Variants in PLCD4 observed in about 807,000 individuals in gnomAD.
PLCD4 encodes phospholipase C delta 4, also known as 1-phosphatidylinositol 4,5-bisphosphate phosphodiesterase delta-4.
Under a neutral mutation model 90.2 loss-of-function variants are expected in PLCD4, and 63 were observed. The ratio of observed to expected loss-of-function variants is 0.70; its 90% CI spans 0.57 to 0.86. PLCD4 has a LOEUF of 0.86. PLCD4 is among the 40% of genes least tolerant of loss of function. The pLI, the probability that PLCD4 is intolerant of heterozygous loss-of-function variation, is 0.00. For synonymous variants in PLCD4, 294 were observed against 356.5 expected (o/e 0.82, Z 1.97); for missense variants, 830 against 956.3 (o/e 0.87, Z 1.74).
At chr2:218,622,116 T>C (rs1695913703) in intron 5 of PLCD4, 1 of 149,942 alleles carries the variant, frequency 6.7e-6, no homozygotes, top group Non-Finnish European at 1.5e-5. Context: ...AGAAAAGTCA[T>C]GATTCTATGA....
At position 218,636,621 on chromosome 2, in the gene PLCD4, G is replaced by A. The variant is rs771643166; in HGVS notation, c.*44G>A. 8 of 1,568,574 alleles carry A rather than the reference G, an allele frequency of 5.1e-6. No homozygotes were observed. The South Asian group carries it at 6.7e-5, about 13-fold the overall frequency. On this transcript the variant is annotated 3_prime_UTR_variant, in exon 16 of 16. Coordinates refer to ENST00000450993, the MANE Select transcript of PLCD4 (RefSeq NM_032726.4). ...AGGGTTGGTGTGCTGGCTTTAGACG[G>A]GGAGAAACATCTGGAAGGATGCTCG...
chr2:218,617,126 G>A (rs1444260386), intron 3 of PLCD4, among the ~76,000 whole-genome samples: 41 of 143,722 alleles, frequency 2.9e-4, no homozygotes, highest in African/African-American at 9.7e-4. Context: ...CACCACGCCC[G>A]GCTAATTTTT....
intron 6 of PLCD4, 27 bp from the exon 7 acceptor site, chr2:218,628,002 C>T (rs1696189372): frequency 1.3e-6 from 2 of 1,589,428 alleles, no homozygotes; most frequent in Non-Finnish European, 1.7e-6. Flanking sequence ...GAGCTTCTCA[C>T]CTAGTGTTCC....
chr2:218,619,632 T>A lies in PLCD4; in HGVS notation c.410+825T>A, dbSNP rs552045282. Among the ~76,000 whole-genome samples the A allele has an allele frequency of 9.8e-4, 148 of 151,754 alleles. 1 individual carries two copies. Among genetic ancestry groups the A allele is most frequent in the African/African-American group, 3.2e-3 (133 of 41,402 alleles). ...TAATGAGACTCACATATTGCTTCAG[T>A]TAGTGAAGAGGATGGAACTGTGTAA... On this transcript the variant is annotated intron_variant, in intron 4 of 15. Transcript: ENST00000450993.
intron 4 of PLCD4, among the ~76,000 whole-genome samples, chr2:218,619,556 G>A (rs1378425821): frequency 6.6e-6 from 1 of 152,076 alleles, no homozygotes; most frequent in African/African-American, 2.4e-5. Context: ...GCCTCCCAAA[G>A]TGCTGGGATT....
In PLCD4 at chr2:218,632,269, C is replaced by T. The variant is rs1335259382; in HGVS notation, c.1406C>T (p.Pro469Leu). ...CTGGAGTCCCAGTTTGAGACTGAGC[C>T]TGAGCCCCAGGAGCAGAACCTTCAG... ...LALESQFETE[P>L]EPQEQNLQNK... Residue 469 changes from proline to leucine, a missense_variant, in exon 10 of 16, where the codon CCT (proline) becomes CTT (leucine). Transcript: ENST00000450993. 1.2e-6 allele frequency: 2 copies of T among 1,611,496 alleles called. No individual in the cohort carries two copies. The highest frequency in any genetic ancestry group is 4.5e-5 in the East Asian group (2 of 44,828).
At chr2:218,620,509 T>C (rs528340637) in intron 4 of PLCD4, among the ~76,000 whole-genome samples, 2 of 150,550 alleles carry the variant, frequency 1.3e-5, no homozygotes, top group Non-Finnish European at 3.0e-5. Flanking sequence ...TCCAAAAAAA[T>C]TTTTTTTCTT....
At chr2:218,613,509 T>C (rs1198155085) in intron 1 of PLCD4, among the ~76,000 whole-genome samples, 1 of 151,838 alleles carries the variant, frequency 6.6e-6, no homozygotes, top group Admixed American at 6.6e-5. Flanking sequence ...CACAAAAGCA[T>C]AGAGCTTTAT....
Position 218,618,563 on chromosome 2 carries a change from G to GT in PLCD4, c.182-13dup. ...AATCCCTTCCTTAATGCCTCCACCT[G>GT]TTTCTTCTCTGGCAGTCTCAATCTC... On this transcript the variant is annotated splice_polypyrimidine_tract_variant and intron_variant, in intron 3 of 15. Transcript: ENST00000450993. The GT allele has an allele frequency of 6.2e-7, 1 of 1,610,984 alleles. No homozygotes were observed. The highest frequency in any genetic ancestry group is 2.2e-5 in the East Asian group (1 of 44,874).
chr2:218,618,145 G>A (rs1049185451), intron 3 of PLCD4, among the ~76,000 whole-genome samples: 8 of 152,070 alleles, frequency 5.3e-5, no homozygotes, highest in African/African-American at 1.9e-4. Context: ...ACTGGACTTG[G>A]GCATATAATG....
At chr2:218,612,615 T>C (rs1695391781) in intron 1 of PLCD4, among the ~76,000 whole-genome samples, 1 of 151,994 alleles carries the variant, frequency 6.6e-6, no homozygotes, top group African/African-American at 2.4e-5. Context: ...CTACTCAAAA[T>C]ACAAAAATTA....
At chr2:218,631,207 C>A (rs2106155469) in intron 9 of PLCD4, among the ~76,000 whole-genome samples, 1 of 152,186 alleles carries the variant, frequency 6.6e-6, no homozygotes, top group South Asian at 2.1e-4. Context: ...TCTTGTCGCC[C>A]AGGCTGGAGT....
intron 5 of PLCD4, 70 bp from the exon 6 acceptor site, chr2:218,622,576 AT>A (rs1399878345): frequency 2.6e-6 from 3 of 1,142,232 alleles, no homozygotes; most frequent in Non-Finnish European, 2.4e-6. Context: ...TTAAAAAAAA[AT>A]TTTTTTAATT....
At chr2:218,610,986 C>A (rs183826244) in intron 1 of PLCD4, among the ~76,000 whole-genome samples, 3 of 152,146 alleles carry the variant, frequency 2.0e-5, no homozygotes, top group East Asian at 1.9e-4. Context: ...TCTCAGCCCC[C>A]CAAAGTGCTG....
intron 3 of PLCD4, among the ~76,000 whole-genome samples, 176 bp from the exon 4 acceptor site, chr2:218,618,403 C>T (rs984833218): frequency 6.6e-6 from 1 of 152,224 alleles, no homozygotes; most frequent in Non-Finnish European, 1.5e-5. Context: ...CATGTGGACT[C>T]CTGAATCCCT....
At chr2:218,623,490 A>C (rs376368096) in intron 6 of PLCD4, among the ~76,000 whole-genome samples, 1 of 152,080 alleles carries the variant, frequency 6.6e-6, no homozygotes, top group East Asian at 1.9e-4. Flanking sequence ...TCTTCAGTAG[A>C]CTCATTTCCT....
chr2:218,633,662 G>C lies in PLCD4; in HGVS notation c.1507G>C (p.Val503Leu), dbSNP rs1268907530. 3 of 1,613,188 alleles carry C rather than the reference G, an allele frequency of 1.9e-6. No individual in the cohort carries two copies. The highest frequency in any genetic ancestry group is 2.5e-6 in the Non-Finnish European group (3 of 1,179,300). ...LSSLVIYLKSVSFRSFTHSKE... is the reference protein window; with the variant it reads ...LSSLVIYLKSLSFRSFTHSKE... ...TTCCCTGGTTATCTACTTGAAGTCT[G>C]TCTCATTCCGCAGCTTCACACATTC... The change falls in exon 11 of 16, where the codon GTC (valine) becomes CTC (leucine). Residue 503 changes from valine (V) to leucine (L), a missense_variant. Coordinates refer to ENST00000450993, the MANE Select transcript of PLCD4 (RefSeq NM_032726.4).
chr2:218,618,601 A>G lies in PLCD4; in HGVS notation c.204A>G (p.Thr68=). The G allele has an allele frequency of 6.2e-7, 1 of 1,614,048 alleles. No homozygotes were observed. Among genetic ancestry groups the G allele is most frequent in the Non-Finnish European group, 8.5e-7 (1 of 1,179,890 alleles). ...KPSFSISDVE[T]IRNGHDSELL... is the part of the protein sequence containing the mutation. ...CAGTCTCAATCTCTGATGTGGAGACAATACGTAATGGCCATGATTCCGAGT... is the reference window on the plus strand; with the variant it reads ...CAGTCTCAATCTCTGATGTGGAGACGATACGTAATGGCCATGATTCCGAGT... The change falls in exon 4 of 16, where the codon ACA becomes ACG. Residue 68 remains threonine, a synonymous_variant. Coordinates refer to ENST00000450993, the MANE Select transcript of PLCD4 (RefSeq NM_032726.4).
rs1252959665 is a variant in PLCD4 at position 218,629,544 on chromosome 2, G to A, written c.1000G>A (p.Val334Met). ...GGCCCTGAAGCGGGGGTGCCGCTGC[G>A]TGGAGGTGGATGTATGGGATGGACC... ...IRALKRGCRC[V>M]EVDVWDGPSG... The change falls in exon 8 of 16, where the codon GTG (valine) becomes ATG (methionine). Residue 334 changes from valine to methionine, a missense_variant. Physicochemically the swap from Val to Met is conservative, Grantham distance 21. Transcript: ENST00000450993. The A allele has an allele frequency of 1.7e-5, 27 of 1,613,810 alleles. 1 individual carries two copies. The highest frequency in any genetic ancestry group is 3.3e-5 in the South Asian group (3 of 91,044).
Sources: allele counts gnomAD v4.1 joint callset (sites outside exome capture counted in the v4.1 genomes callset), GRCh38; gene constraint gnomAD v4.1.1; transcripts MANE v1.5; gene names NCBI Gene and HGNC (gene_info 2026-07-23, HGNC 2026-07-21).